The following GABBR2 variants were observed in gnomAD, a reference collection of about 807,000 sequenced individuals.
GABBR2 encodes G-protein coupled receptor 51.
In GABBR2, 23 loss-of-function variants were observed where a neutral mutation model predicts 105.6. That is an observed-to-expected ratio of 0.22 (90% CI 0.16 to 0.31). The LOEUF (loss-of-function observed/expected upper bound fraction) is 0.31, where lower values mean the gene tolerates loss of function less well. Ranked by LOEUF, GABBR2 falls within the 10% of genes least tolerant of loss-of-function variation. GABBR2 has a pLI of 1.00. For missense variants in GABBR2, 734 were observed against 1,245.5 expected, an observed-to-expected ratio of 0.59 and a Z score of 6.18; for synonymous variants, 478 against 499.7, an observed-to-expected ratio of 0.96 and a Z score of 0.58.
At position 98,691,557 on chromosome 9, in the gene GABBR2, G is replaced by A. The variant is rs545660776; in HGVS notation, c.321+16860C>T. Among the ~76,000 whole-genome samples the A allele has an allele frequency of 2.4e-4, 36 of 152,312 alleles. 1 individual carries two copies. The South Asian group carries it at 5.6e-3, about 24-fold the overall frequency. ...GCAAGGCTAGAAGCCAGGACTTTGC[G>A]GAGGCCCTTGGTGAGCACTGATTGA... On this transcript the variant is annotated intron_variant, in intron 1 of 18. Transcript: ENST00000259455.
chr9:98,706,109 C>CAAAAAAAAAAAAAAA (rs3983388), intron 1 of GABBR2, among the ~76,000 whole-genome samples: 1 of 136,996 alleles, frequency 7.3e-6, no homozygotes, highest in African/African-American at 2.8e-5. Context: ...ACAAAAAAAA[C>CAAAAAAAAAAAAAAA]AAAAAAAAAA....
Position 98,290,321 on chromosome 9 carries a change from T to G in GABBR2, c.*263A>C. On this transcript the variant is annotated 3_prime_UTR_variant, in exon 19 of 19. Coordinates refer to ENST00000259455, the MANE Select transcript of GABBR2 (RefSeq NM_005458.8). ...CAAGTTTGATATCCCAGCGCCTCCT[T>G]GTTTGCAGATGTTAAGGAAGACGTC... The G allele has an allele frequency of 4.3e-6, 1 of 231,208 alleles. No homozygotes were observed. Among genetic ancestry groups the G allele is most frequent in the Non-Finnish European group, 8.3e-6 (1 of 120,266 alleles). The allele number at this position is 231,208 out of a possible 1,614,324, so 14.3% of individuals were successfully genotyped here. A position where few individuals can be genotyped will look rare whatever the true frequency, so the allele number is the denominator to read the frequency against.
intron 1 of GABBR2, among the ~76,000 whole-genome samples, chr9:98,685,670 T>G (rs1830611490): frequency 6.6e-6 from 1 of 152,232 alleles, no homozygotes; most frequent in Admixed American, 6.5e-5. Flanking sequence ...AGTGTCTCCT[T>G]GATTAAACTA....
intron 1 of GABBR2, among the ~76,000 whole-genome samples, chr9:98,698,559 G>A (rs1830787007): frequency 1.3e-5 from 2 of 151,732 alleles, no homozygotes; most frequent in Admixed American, 1.3e-4. Flanking sequence ...GAGAGCAGTG[G>A]TGTGATCTCA....
chr9:98,534,409 T>C (rs1488292478), intron 3 of GABBR2, among the ~76,000 whole-genome samples: 1 of 152,106 alleles, frequency 6.6e-6, no homozygotes, highest in Non-Finnish European at 1.5e-5. Context: ...GCAGTGGGGC[T>C]CCTGAATAGG....
At chr9:98,503,615 A>G (rs1468567279) in intron 3 of GABBR2, among the ~76,000 whole-genome samples, 2 of 152,134 alleles carry the variant, frequency 1.3e-5, no homozygotes, top group African/African-American at 4.8e-5. Flanking sequence ...ATTCAGGACA[A>G]CTAATAATCT....
chr9:98,483,013 A>G (rs1412277712), intron 4 of GABBR2, among the ~76,000 whole-genome samples: 5 of 151,136 alleles, frequency 3.3e-5, no homozygotes, highest in African/African-American at 1.2e-4. Flanking sequence ...TGGACTCCAA[A>G]TCTCTCCCCC....
Position 98,300,621 on chromosome 9 carries a change from C to G in GABBR2, c.2413-1268G>C, listed in dbSNP as rs140840802. On this transcript the variant is annotated intron_variant, in intron 16 of 18. Coordinates refer to ENST00000259455, the MANE Select transcript of GABBR2 (RefSeq NM_005458.8). ...GGCTTTCATCCATGATTCCTGGCTGCTATATCTCTTGTAAGAGTCTTTTGT... is the reference window on the plus strand; with the variant it reads ...GGCTTTCATCCATGATTCCTGGCTGGTATATCTCTTGTAAGAGTCTTTTGT... Among the ~76,000 whole-genome samples the G allele has an allele frequency of 3.8e-3, 578 of 152,288 alleles. 2 individuals carry two copies. The highest frequency in any genetic ancestry group is 0.013 in the African/African-American group (527 of 41,540).
chr9:98,336,918 G>T (rs899634862), intron 13 of GABBR2, among the ~76,000 whole-genome samples: 1 of 152,124 alleles, frequency 6.6e-6, no homozygotes, highest in Non-Finnish European at 1.5e-5. Flanking sequence ...GGCTATTCAG[G>T]AAAATGGAAT....
At chr9:98,688,411 A>ATATATATATATATATATATATATAT (rs397737112) in intron 1 of GABBR2, among the ~76,000 whole-genome samples, 27 of 148,244 alleles carry the variant, frequency 1.8e-4, no homozygotes, top group South Asian at 4.3e-4. Context: ...ATATATATAT[A>ATATATATATATATATATATATATAT]AAATCTCCAG....
At chr9:98,571,381 G>A (rs1329538686) in intron 2 of GABBR2, among the ~76,000 whole-genome samples, 1 of 152,208 alleles carries the variant, frequency 6.6e-6, no homozygotes, top group East Asian at 1.9e-4. Context: ...CACACGGGCA[G>A]CATCAGTTGG....
intron 3 of GABBR2, among the ~76,000 whole-genome samples, chr9:98,536,773 G>A (rs913691616): frequency 3.3e-5 from 5 of 152,040 alleles, no homozygotes; most frequent in Admixed American, 6.6e-5. Context: ...ATGTGCACAC[G>A]GGTTACCTGC....
chr9:98,392,578 C>T (rs1023903917), intron 9 of GABBR2, among the ~76,000 whole-genome samples: 7 of 152,116 alleles, frequency 4.6e-5, no homozygotes, highest in Admixed American at 1.3e-4. Flanking sequence ...AGGCTGAATC[C>T]CTCAGGTCCA....
At chr9:98,663,930 A>T (rs549807285) in intron 1 of GABBR2, among the ~76,000 whole-genome samples, 3 of 152,218 alleles carry the variant, frequency 2.0e-5, no homozygotes, top group Non-Finnish European at 4.4e-5. Context: ...TACTGTACCC[A>T]GGGACACAAA....
chr9:98,352,155 G>T lies in GABBR2; in HGVS notation c.1893+10560C>A, dbSNP rs561789124. 3.0e-4 allele frequency among the ~76,000 whole-genome samples: 45 copies of T among 152,360 alleles called. 1 individual carries two copies. In the South Asian group the frequency reaches 9.3e-3, roughly 32 times the overall value. ...TGTAATTATTAGTGGAGGCTATGTTGAGGCTTTACTGGAGATAAGGACACC... is the reference window on the plus strand; with the variant it reads ...TGTAATTATTAGTGGAGGCTATGTTTAGGCTTTACTGGAGATAAGGACACC... On this transcript the variant is annotated intron_variant, in intron 13 of 18. Coordinates refer to ENST00000259455, the MANE Select transcript of GABBR2 (RefSeq NM_005458.8).
intron 7 of GABBR2, among the ~76,000 whole-genome samples, chr9:98,417,868 C>T (rs961985258): frequency 3.3e-5 from 5 of 152,072 alleles, no homozygotes; most frequent in Non-Finnish European, 5.9e-5. Context: ...CCATGTTACC[C>T]AGGCAAAGAA....
Position 98,288,445 on chromosome 9 carries a change from G to A in GABBR2, c.*2139C>T, listed in dbSNP as rs896338647. 1 of 152,576 alleles carries A rather than the reference G, an allele frequency of 6.6e-6. No individual in the cohort carries two copies. Among genetic ancestry groups the A allele is most frequent in the Non-Finnish European group, 1.5e-5 (1 of 68,036 alleles). The allele number at this position is 152,576 out of a possible 1,614,324, so 9.5% of individuals were successfully genotyped here. The stretch of plus-strand genomic sequence containing the variant: ...CCTAGAAGACAGCGCACGCTCAGGA[G>A]TCACAAAGGGTTACAGACGCACAGG... On this transcript the variant is annotated 3_prime_UTR_variant, in exon 19 of 19. Coordinates refer to ENST00000259455, the MANE Select transcript of GABBR2 (RefSeq NM_005458.8).
chr9:98,355,584 T>G (rs1341113986), intron 13 of GABBR2, among the ~76,000 whole-genome samples: 1 of 152,158 alleles, frequency 6.6e-6, no homozygotes, highest in Non-Finnish European at 1.5e-5. Flanking sequence ...AAGATCTAAA[T>G]AAATGGAGAA....
intron 1 of GABBR2, among the ~76,000 whole-genome samples, chr9:98,697,323 C>T (rs982918330): frequency 6.6e-6 from 1 of 152,136 alleles, no homozygotes; most frequent in South Asian, 2.1e-4. Flanking sequence ...AACCTCGTCT[C>T]TACTAAAACT....
Sources: allele counts gnomAD v4.1 joint callset (sites outside exome capture counted in the v4.1 genomes callset), GRCh38; gene constraint gnomAD v4.1.1; transcripts MANE v1.5; gene names NCBI Gene and HGNC (gene_info 2026-07-23, HGNC 2026-07-21).